The following SYNPO2 variants were observed in gnomAD, a reference collection of about 807,000 sequenced individuals.
The protein encoded by SYNPO2 is synaptopodin-2.
A neutral mutation model predicts 85.0 loss-of-function variants in SYNPO2; 56 were observed. The ratio of observed to expected loss-of-function variants is 0.66; its 90% CI spans 0.53 to 0.82. SYNPO2 has a LOEUF of 0.82. SYNPO2 is among the 40% of genes least tolerant of loss of function. The pLI is 0.00. For synonymous variants in SYNPO2, 602 were observed against 591.1 expected, an observed-to-expected ratio of 1.02 and a Z score of -0.27; for missense variants, 1,575 against 1,534.2, an observed-to-expected ratio of 1.03 and a Z score of -0.44.
chr4:118,904,642 C>G (rs1732873754), intron 1 of SYNPO2, among the ~76,000 whole-genome samples: 1 of 152,074 alleles, frequency 6.6e-6, no homozygotes, highest in African/African-American at 2.4e-5. Context: ...CACCTCCACC[C>G]CCACATGCTT....
At chr4:119,012,398 T>TCC (rs1737351326) in intron 1 of SYNPO2, among the ~76,000 whole-genome samples, 3 of 128,646 alleles carry the variant, frequency 2.3e-5, no homozygotes, top group African/African-American at 5.6e-5. Flanking sequence ...TTTTTTATTT[T>TCC]ACTTTAAGTT....
rs553764737 is a variant in SYNPO2, at chr4:119,016,293, G to A, written c.106-7137G>A. ...AAAAATTAGCTGTGCGTGGTGGTGG[G>A]AGCCTGCCAGCTACTTGGGAGGCTG... is the stretch of plus-strand genomic sequence containing the variant. On this transcript the variant is annotated intron_variant, in intron 1 of 4. Coordinates refer to ENST00000307142, the MANE Select transcript of SYNPO2 (RefSeq NM_133477.3). Among the ~76,000 whole-genome samples, 3 of 151,972 alleles carry A rather than the reference G, an allele frequency of 2.0e-5. No individual in the cohort carries two copies. The East Asian group carries it at 5.8e-4, about 29-fold the overall frequency.
chr4:118,920,945 T>C (rs1407473502), intron 1 of SYNPO2, among the ~76,000 whole-genome samples: 1 of 152,022 alleles, frequency 6.6e-6, no homozygotes, highest in African/African-American at 2.4e-5. Context: ...TCACCTATGC[T>C]TGAGTGCAGT....
At chr4:119,050,424 G>T (rs114963450) in intron 4 of SYNPO2, among the ~76,000 whole-genome samples, 2 of 152,044 alleles carry the variant, frequency 1.3e-5, no homozygotes, top group African/African-American at 4.8e-5. Flanking sequence ...GCCTGCCTGG[G>T]TTCAATTTTC....
chr4:118,900,641 G>T (rs1356397930), intron 1 of SYNPO2, among the ~76,000 whole-genome samples: 2 of 142,076 alleles, frequency 1.4e-5, no homozygotes, highest in Non-Finnish European at 3.0e-5. Context: ...AGGCACCTTT[G>T]TAATCTTACC....
chr4:118,907,533 T>C (rs1251956454), intron 1 of SYNPO2, among the ~76,000 whole-genome samples: 1 of 152,178 alleles, frequency 6.6e-6, no homozygotes. Context: ...TGGGTAAATA[T>C]GTCAAAGAGA....
intron 1 of SYNPO2, among the ~76,000 whole-genome samples, chr4:118,949,642 G>A (rs1412828734): frequency 2.0e-5 from 3 of 151,726 alleles, no homozygotes; most frequent in Non-Finnish European, 4.4e-5. Flanking sequence ...CCAGCTACTC[G>A]GGAGGCTGAG....
At chr4:119,034,519 C>T in intron 4 of SYNPO2, 1 of 985,492 alleles carries the variant, frequency 1.0e-6, no homozygotes, top group Non-Finnish European at 1.2e-6. Context: ...TTGGAGTTCT[C>T]CAAAACCTTG....
At chr4:118,927,275 A>G (rs1733740884) in intron 1 of SYNPO2, among the ~76,000 whole-genome samples, 1 of 152,108 alleles carries the variant, frequency 6.6e-6, no homozygotes, top group Non-Finnish European at 1.5e-5. Context: ...CCATAATTTG[A>G]CATTATTCAG....
chr4:119,034,280 A>G (rs1370265542), intron 4 of SYNPO2: 1 of 985,244 alleles, frequency 1.0e-6, no homozygotes, highest in Admixed American at 6.1e-5. Context: ...TAGAGGAAAG[A>G]CATGGAACAC....
chr4:119,040,771 A>T (rs1738684524), intron 4 of SYNPO2, among the ~76,000 whole-genome samples: 1 of 152,224 alleles, frequency 6.6e-6, no homozygotes, highest in Admixed American at 6.5e-5. Flanking sequence ...AGCAGTTGGC[A>T]ACCCTATCCC....
At chr4:118,852,379 A>G (rs936860381) in intron 1 of SYNPO2, among the ~76,000 whole-genome samples, 6 of 152,234 alleles carry the variant, frequency 3.9e-5, no homozygotes, top group Admixed American at 2.0e-4. Context: ...GTATATATAC[A>G]AAGGAATATA....
At chr4:118,876,673 CTTTCTTTCT>C (rs1560812764) in intron 1 of SYNPO2, among the ~76,000 whole-genome samples, 1 of 5,726 alleles carries the variant, frequency 1.7e-4, no homozygotes, top group Non-Finnish European at 3.8e-4. Context: ...CTTTCTCTTT[CTTTCTTTCT>C]TTCTTTCTTT....
intron 1 of SYNPO2, among the ~76,000 whole-genome samples, chr4:118,964,299 C>A (rs890932614): frequency 1.0e-3 from 8 of 7,904 alleles, no homozygotes; most frequent in East Asian, 3.0e-3. Context: ...ACACACACAA[C>A]ACACACACAC....
chr4:119,027,103 C>T lies in SYNPO2; in HGVS notation c.734C>T (p.Pro245Leu). 6.2e-7 allele frequency: 1 copy of T among 1,614,160 alleles called. No homozygotes were observed. The highest frequency in any genetic ancestry group is 8.5e-7 in the Non-Finnish European group (1 of 1,180,048). ...AGGATTGTCCACATAAATTCGATCC[C>T]TACTAATGAGAAAGCAGACCCTTTC... ...HDRIVHINSI[P>L]TNEKADPFLR... The change falls in exon 3 of 5, where the codon CCT (proline) becomes CTT (leucine). Residue 245 changes from proline to leucine, a missense_variant. Physicochemically the swap from Pro to Leu is moderately conservative, Grantham distance 98. Around this residue, in one of 3 missense-constraint regions of SYNPO2, gnomAD observed 1,508 missense variants for 1,446.8 expected, o/e 1.04. Transcript: ENST00000307142.
chr4:118,886,668 G>C (rs1732204793), upstream of SYNPO2, among the ~76,000 whole-genome samples: 1 of 152,124 alleles, frequency 6.6e-6, no homozygotes, highest in Non-Finnish European at 1.5e-5. Context: ...TGGACATTTG[G>C]GTTGGTTCCA....
chr4:118,904,916 A>G (rs1342198881), intron 1 of SYNPO2, among the ~76,000 whole-genome samples: 1 of 152,182 alleles, frequency 6.6e-6, no homozygotes, highest in East Asian at 1.9e-4. Context: ...ACTTGTGTAA[A>G]TATTATATTA....
intron 1 of SYNPO2, among the ~76,000 whole-genome samples, chr4:118,898,997 G>A (rs1732636344): frequency 1.3e-5 from 2 of 152,198 alleles, no homozygotes; most frequent in Admixed American, 1.3e-4. Flanking sequence ...AGTTCTCTGA[G>A]AGGTTTGACT....
At position 118,976,421 on chromosome 4, in the gene SYNPO2, A is replaced by G. The variant is rs373527694; in HGVS notation, c.106-47009A>G. 3.3e-5 allele frequency among the ~76,000 whole-genome samples: 5 copies of G among 152,308 alleles called. No homozygotes were observed. The East Asian group carries it at 7.7e-4, about 24-fold the overall frequency. On this transcript the variant is annotated intron_variant, in intron 1 of 4. Coordinates refer to ENST00000307142, the MANE Select transcript of SYNPO2 (RefSeq NM_133477.3). ...CAAAGAGTGAGCAGTAGCAAGATTT[A>G]TTGCAAAGTGCAAAAGAACAAAGCT...
Sources: gnomAD v4.1 joint callset for allele counts (sites outside exome capture counted in the v4.1 genomes callset) on GRCh38, gnomAD v4.1.1 for gene constraint, gnomAD v4.1.1 regional missense constraint, MANE v1.5 for transcripts, NCBI Gene and HGNC (gene_info 2026-07-23, HGNC 2026-07-21) for gene names.